The following DMC1 variants were observed in gnomAD, a reference collection of about 807,000 sequenced individuals.
DMC1 encodes meiotic recombination protein DMC1 homolog.
DMC1 carries 27 observed loss-of-function variants against 50.1 expected under a neutral mutation model. That is an observed-to-expected ratio of 0.54 (90% CI 0.40 to 0.74). DMC1 has a LOEUF of 0.74. Ranked by LOEUF, DMC1 falls within the 30% of genes least tolerant of loss-of-function variation. The pLI is 0.00. For synonymous variants in DMC1, 148 were observed against 136.1 expected (o/e 1.09, Z -0.61); for missense variants, 295 against 420.2 (o/e 0.70, Z 2.60).
chr22:38,511,940 CCTT>C, the DMC1 span, among the ~76,000 whole-genome samples: 19 of 151,920 alleles, frequency 1.3e-4, no homozygotes, highest in East Asian at 3.5e-3. Context: ...CAGAGCTTTT[CCTT>C]CTTTTTTTTT....
intron 4 of DMC1, among the ~76,000 whole-genome samples, chr22:38,564,851 T>C (rs867122618): frequency 6.6e-6 from 1 of 152,170 alleles, no homozygotes; most frequent in African/African-American, 2.4e-5. Flanking sequence ...GTGGGTACAC[T>C]GCCTGAGTGT....
chr22:38,567,157 C>T (rs1700600842), intron 3 of DMC1, among the ~76,000 whole-genome samples: 1 of 152,062 alleles, frequency 6.6e-6, no homozygotes, highest in Admixed American at 6.6e-5. Flanking sequence ...ATAACTACAT[C>T]ACCAAAGGAC....
chr22:38,536,105 G>C (rs1209660477), intron 12 of DMC1, among the ~76,000 whole-genome samples: 2 of 151,526 alleles, frequency 1.3e-5, no homozygotes, highest in Non-Finnish European at 2.9e-5. Flanking sequence ...CCTCCCAGCT[G>C]CTCGGGAGGC....
intron 7 of DMC1, 35 bp from the exon 8 acceptor site, chr22:38,550,032 T>C (rs750197712): frequency 2.0e-5 from 30 of 1,490,030 alleles, no homozygotes; most frequent in Middle Eastern, 3.5e-4. Context: ...TTAATAGGAG[T>C]GAATAAACTT....
chr22:38,514,454 G>A (rs2089962681), downstream of DMC1, among the ~76,000 whole-genome samples: 1 of 151,794 alleles, frequency 6.6e-6, no homozygotes, highest in African/African-American at 2.4e-5. Context: ...ATGTTGGCCA[G>A]GATCGTCTAG....
At chr22:38,535,052 C>G (rs2090195302) in intron 12 of DMC1, among the ~76,000 whole-genome samples, 1 of 151,272 alleles carries the variant, frequency 6.6e-6, no homozygotes, top group Admixed American at 6.6e-5. Flanking sequence ...GTAATCCCAG[C>G]ACTTTGGGAG....
chr22:38,544,937 A>T (rs1433506584), intron 8 of DMC1, among the ~76,000 whole-genome samples: 1 of 151,860 alleles, frequency 6.6e-6, no homozygotes, highest in Admixed American at 6.6e-5. Flanking sequence ...CGGCAGCAAA[A>T]TAAACTCTCT....
At chr22:38,564,558 G>A (rs896420990) in intron 4 of DMC1, among the ~76,000 whole-genome samples, 36 of 152,112 alleles carry the variant, frequency 2.4e-4, no homozygotes, top group East Asian at 1.9e-4. Context: ...TGATCCGCCC[G>A]CCTCAGCCTC....
At chr22:38,537,762 T>C in intron 11 of DMC1, 110 bp from the exon 12 acceptor site, 2 of 751,804 alleles carry the variant, frequency 2.7e-6, no homozygotes, top group South Asian at 3.1e-5. Flanking sequence ...ATTTATTTTA[T>C]AAATAACATC....
rs1482550550 is a variant in DMC1 at position 38,555,365 on chromosome 22, G to T, written c.371C>A (p.Ala124Asp). Residue 124 changes from alanine (A) to aspartate (D), a missense_variant, in exon 6 of 14, where the codon GCT (alanine) becomes GAT (aspartate). By Grantham distance (126) the Ala-to-Asp change is moderately radical (BLOSUM62 -2). Transcript: ENST00000216024. ...GGIESMAITE[A>D]FGEFRTGKTQ... ...ATTAAGGTTCTACCTACCTCCAAAA[G>T]CTTCTGTAATTGCCATACTTTCAAT... is the stretch of plus-strand genomic sequence containing the variant. 4.4e-6 allele frequency: 7 copies of T among 1,608,648 alleles called. No homozygotes were observed. The highest frequency in any genetic ancestry group is 1.1e-5 in the South Asian group (1 of 90,948).
At chr22:38,566,815 T>G in intron 3 of DMC1, 79 bp from the exon 4 acceptor site, 3 of 1,452,024 alleles carry the variant, frequency 2.1e-6, no homozygotes, top group Non-Finnish European at 2.9e-6. Context: ...TGTGTTTCTG[T>G]GTCCATCTCC....
chr22:38,523,933 G>T (rs777852045), intron 12 of DMC1, among the ~76,000 whole-genome samples: 1 of 152,186 alleles, frequency 6.6e-6, no homozygotes, highest in Non-Finnish European at 1.5e-5. Context: ...GATAGTCAAG[G>T]TTAGCTAAAT....
intron 5 of DMC1, 152 bp from the exon 6 acceptor site, chr22:38,555,561 T>A (rs1376342909): frequency 1.7e-6 from 1 of 605,012 alleles, no homozygotes; most frequent in African/African-American, 1.9e-5. Flanking sequence ...GAACAGCAAT[T>A]CTTGGCTGAA....
rs1293682304 is a variant in DMC1, at chr22:38,519,566, G to A, written c.*454C>T. On this transcript the variant is annotated 3_prime_UTR_variant, in exon 14 of 14. Transcript: ENST00000216024. ...AAACATCTAGCTATGTAAGTCAGTGGCACTATACCCTAGAAAAATGGTGAA... is the reference window on the plus strand; with the variant it reads ...AAACATCTAGCTATGTAAGTCAGTGACACTATACCCTAGAAAAATGGTGAA... The A allele has an allele frequency of 5.2e-6, 1 of 192,796 alleles. No individual in the cohort carries two copies. The highest frequency in any genetic ancestry group is 2.4e-5 in the African/African-American group (1 of 42,450). 11.9% of individuals were successfully genotyped at this position (192,796 alleles called of 1,614,324 possible). A position where few individuals can be genotyped will look rare whatever the true frequency, so the allele number is the denominator to read the frequency against.
At chr22:38,511,053 G>C in the DMC1 span, among the ~76,000 whole-genome samples, 2 of 152,154 alleles carry the variant, frequency 1.3e-5, no homozygotes. Context: ...AGGGTCGCTT[G>C]AGCCCAGGCA....
chr22:38,559,759 A>G (rs1045119328), intron 5 of DMC1, among the ~76,000 whole-genome samples: 1 of 152,070 alleles, frequency 6.6e-6, no homozygotes, highest in Admixed American at 6.6e-5. Flanking sequence ...GGTAGCTCAC[A>G]CCTGTAATCC....
intron 6 of DMC1, among the ~76,000 whole-genome samples, chr22:38,554,458 A>C (rs2090447925): frequency 2.6e-5 from 4 of 152,056 alleles, no homozygotes; most frequent in African/African-American, 4.8e-5. Flanking sequence ...AAAAAAAAAA[A>C]AAACAGATTT....
At chr22:38,564,118 GT>G (rs1172292049) in intron 4 of DMC1, among the ~76,000 whole-genome samples, 1 of 152,166 alleles carries the variant, frequency 6.6e-6, no homozygotes, top group Non-Finnish European at 1.5e-5. Context: ...ACAGTGAACT[GT>G]GATTGAGCCA....
At chr22:38,568,122 C>T (rs1266236484) in intron 2 of DMC1, 84 bp downstream of exon 2, 12 of 1,232,118 alleles carry the variant, frequency 9.7e-6, no homozygotes, top group African/African-American at 4.5e-5. Flanking sequence ...CTTTCAGCTT[C>T]TAAAAATAGT....
Sources: gnomAD v4.1 joint callset for allele counts (sites outside exome capture counted in the v4.1 genomes callset) on GRCh38, gnomAD v4.1.1 for gene constraint, MANE v1.5 for transcripts, NCBI Gene and HGNC (gene_info 2026-07-23, HGNC 2026-07-21) for gene names.